The following TNRC18 variants were observed in gnomAD, a reference collection of about 807,000 sequenced individuals.
TNRC18 encodes the protein trinucleotide repeat-containing gene 18 protein.
Under a neutral mutation model 226.7 loss-of-function variants are expected in TNRC18, and 69 were observed. That is an observed-to-expected ratio of 0.30 (90% CI 0.25 to 0.37). The LOEUF (loss-of-function observed/expected upper bound fraction) is 0.37. Ranked by LOEUF, TNRC18 falls within the 10% of genes least tolerant of loss-of-function variation. The pLI is 1.00. For synonymous variants in TNRC18, 2,449 were observed against 1,927.6 expected (o/e 1.27, Z -7.09); for missense variants, 4,754 against 4,256.6 (o/e 1.12, Z -3.25).
At position 5,307,253 on chromosome 7, in the gene TNRC18, TTATA is replaced by T. The variant is rs779259535; in HGVS notation, c.*849_*852del. 24 of 149,244 alleles carry T rather than the reference TTATA, an allele frequency of 1.6e-4. No homozygotes were observed. The highest frequency in any genetic ancestry group is 4.2e-4 in the South Asian group (2 of 4,766). The allele number at this position is 149,244 out of a possible 1,614,324, so 9.2% of individuals were successfully genotyped here. On this transcript the variant is annotated 3_prime_UTR_variant, in exon 30 of 30. Transcript: ENST00000430969. ...GCTATTTTTCACAGTTTTAAAAAGT[TTATA>T]TATATATTTATATATATTTATCTTT...
chr7:5,414,627 T>A (rs1782051286), intron 2 of TNRC18, among the ~76,000 whole-genome samples: 1 of 152,128 alleles, frequency 6.6e-6, no homozygotes. Context: ...TTATCCAGGA[T>A]GGTCTCGATC....
intron 17 of TNRC18, among the ~76,000 whole-genome samples, chr7:5,346,645 T>A (rs1425075513): frequency 6.6e-6 from 1 of 151,692 alleles, no homozygotes; most frequent in African/African-American, 2.4e-5. Flanking sequence ...CGTGACTAAT[T>A]TTTTAGAAAA....
rs199598653 is a variant in TNRC18, at chr7:5,357,136, A to G, written c.4974T>C (p.Thr1658=). The G allele has an allele frequency of 5.8e-6, 9 of 1,565,172 alleles. No individual in the cohort carries two copies. The African/African-American group carries it at 9.5e-5, about 16-fold the overall frequency. ...FSDSAGGKSK[T]SGGCGRYLTP... ...TCAAGTACCTGCCGCAGCCCCCGCT[A>G]GTTTTCGATTTCCCCCCAGCACTGT... Residue 1658 remains threonine, a synonymous_variant, in exon 16 of 30, where the codon ACT becomes ACC. Transcript: ENST00000430969.
intron 24 of TNRC18, among the ~76,000 whole-genome samples, chr7:5,319,427 C>T (rs1162735194): frequency 2.0e-5 from 3 of 152,162 alleles, no homozygotes; most frequent in South Asian, 2.1e-4. Flanking sequence ...AAGGGTTGGA[C>T]CATTTGACTG....
At chr7:5,329,580 G>A (rs1789292279) in intron 19 of TNRC18, among the ~76,000 whole-genome samples, 1 of 150,582 alleles carries the variant, frequency 6.6e-6, no homozygotes, top group Non-Finnish European at 1.5e-5. Flanking sequence ...CTACTTGGGA[G>A]GCTGAGGCAG....
At chr7:5,420,377 C>A (rs929799659) in intron 2 of TNRC18, 1 of 456,108 alleles carries the variant, frequency 2.2e-6, no homozygotes, top group Admixed American at 2.3e-5. Context: ...CCCTGCCGCA[C>A]CTCCGCACCC....
intron 19 of TNRC18, among the ~76,000 whole-genome samples, chr7:5,326,896 G>A (rs552807811): frequency 3.3e-5 from 5 of 151,476 alleles, no homozygotes; most frequent in East Asian, 3.9e-4. Context: ...AGGCCGAGGC[G>A]GGCGGATCAC....
chr7:5,419,287 C>T (rs144014072), intron 2 of TNRC18, among the ~76,000 whole-genome samples: 1 of 152,384 alleles, frequency 6.6e-6, no homozygotes, highest in African/African-American at 2.4e-5. Flanking sequence ...GGGCACTTTG[C>T]CTTGCCAGGC....
intron 18 of TNRC18, among the ~76,000 whole-genome samples, chr7:5,338,130 T>C (rs1056432492): frequency 2.6e-5 from 4 of 152,138 alleles, no homozygotes; most frequent in African/African-American, 9.7e-5. Context: ...GAAAAAAACA[T>C]GGTAAGTGGA....
At chr7:5,416,592 A>G (rs1002971496) in intron 2 of TNRC18, among the ~76,000 whole-genome samples, 3 of 151,062 alleles carry the variant, frequency 2.0e-5, no homozygotes, top group African/African-American at 7.3e-5. Context: ...ATGGTGGCTC[A>G]TGCCTGTAAT....
At chr7:5,364,956 G>C (rs1793469191) in intron 11 of TNRC18, among the ~76,000 whole-genome samples, 1 of 151,802 alleles carries the variant, frequency 6.6e-6, no homozygotes, top group Non-Finnish European at 1.5e-5. Flanking sequence ...ATCTCTAAAG[G>C]TCAAAAACAC....
intron 5 of TNRC18, 51 bp from the exon 6 acceptor site, chr7:5,378,075 C>T (rs1031485958): frequency 2.0e-6 from 3 of 1,521,676 alleles, no homozygotes; most frequent in African/African-American, 2.7e-5. Flanking sequence ...GAGCCCATCC[C>T]AGACCCATTG....
chr7:5,387,828 G>GC lies in TNRC18; in HGVS notation c.1995dup (p.Arg666AlafsTer9). 6.2e-7 allele frequency: 1 copy of GC among 1,606,472 alleles called. No individual in the cohort carries two copies. The highest frequency in any genetic ancestry group is 8.5e-7 in the Non-Finnish European group (1 of 1,179,378). The stretch of plus-strand genomic sequence containing the variant: ...TCACCCTGGGCACCAGAGCCCTCGC[G>GC]CCCGAAAGCTTTGGCGCTCTCGGGC... On this transcript the variant is annotated frameshift_variant, in exon 5 of 30. Transcript: ENST00000430969. LOFTEE classifies it high-confidence loss of function.
At chr7:5,308,802 G>C in intron 29 of TNRC18, 73 bp downstream of exon 29, 1 of 1,503,272 alleles carries the variant, frequency 6.7e-7, no homozygotes, top group Non-Finnish European at 9.0e-7. Context: ...ATGCTGAGCC[G>C]GGCCCTGTCT....
chr7:5,328,682 G>T (rs1371515971), intron 19 of TNRC18, among the ~76,000 whole-genome samples: 1 of 151,774 alleles, frequency 6.6e-6, no homozygotes, highest in Non-Finnish European at 1.5e-5. Flanking sequence ...CTACTTTTTT[G>T]TATTTTTTTA....
intron 17 of TNRC18, among the ~76,000 whole-genome samples, chr7:5,348,965 C>T (rs1348515613): frequency 5.2e-5 from 4 of 76,598 alleles, no homozygotes; most frequent in African/African-American, 2.0e-4. Context: ...GGGCAGGGGG[C>T]TGGTTGTGGG....
chr7:5,370,948 G>C lies in TNRC18; in HGVS notation c.3646C>G (p.Pro1216Ala). The C allele has an allele frequency of 1.2e-6, 2 of 1,604,974 alleles. No homozygotes were observed. Among genetic ancestry groups the C allele is most frequent in the Non-Finnish European group, 1.7e-6 (2 of 1,179,730 alleles). Residue 1216 changes from proline to alanine, a missense_variant, in exon 11 of 30, where the codon CCC (proline) becomes GCC (alanine). Transcript: ENST00000430969. ...LSATGQSCAE[P>A]SECPDFVEGP... is the part of the protein sequence containing the mutation. ...TCCACAAAGTCTGGACACTCAGAGG[G>C]CTCTGCGCAGCTCTGCCCGGTGGCA...
At chr7:5,362,594 GGCCTCCCACCCA>G (rs1194141230) in intron 12 of TNRC18, 44 bp downstream of exon 12, 2 of 1,454,088 alleles carry the variant, frequency 1.4e-6, no homozygotes, top group East Asian at 5.0e-5. Flanking sequence ...TCCACAGAGG[GGCCTCCCACCCA>G]GCCTCCCCCG....
chr7:5,352,722 C>T (rs757053768), intron 16 of TNRC18, among the ~76,000 whole-genome samples: 26 of 152,390 alleles, frequency 1.7e-4, no homozygotes, highest in Non-Finnish European at 3.2e-4. Flanking sequence ...AACTATACAA[C>T]GGAGGACAAG....
Sources: gnomAD v4.1 joint callset for allele counts (sites outside exome capture counted in the v4.1 genomes callset) on GRCh38, gnomAD v4.1.1 for gene constraint, MANE v1.5 for transcripts, NCBI Gene and HGNC (gene_info 2026-07-23, HGNC 2026-07-21) for gene names.